The following GM2A variants were observed in gnomAD, a reference collection of about 807,000 sequenced individuals.
The protein encoded by GM2A is ganglioside GM2 activator, also known as GM2 ganglioside activator.
In GM2A, 7 loss-of-function variants were observed where a neutral mutation model predicts 12.9. That is an observed-to-expected ratio of 0.54 (90% CI 0.31 to 1.02). The LOEUF is 1.02. Among genes scored for constraint, GM2A ranks in the 50% least tolerant of loss-of-function variants. The probability of loss-of-function intolerance (pLI) is 0.05; values close to 1 mark genes in which losing one functional copy is unlikely to be tolerated. For synonymous variants in GM2A, 101 were observed against 96.0 expected, an observed-to-expected ratio of 1.05 and a Z score of -0.30; for missense variants, 246 against 241.0, an observed-to-expected ratio of 1.02 and a Z score of -0.14.
In GM2A at chr5:151,266,802, C is replaced by T. The variant is rs907196314; in HGVS notation, c.315C>T (p.Ser105=). Residue 105 remains serine (S), a synonymous_variant, in exon 3 of 4, where the codon AGC becomes AGT. Coordinates refer to ENST00000357164, the MANE Select transcript of GM2A (RefSeq NM_000405.5). ...TCCCATGCACAGACTACATTGGCAG[C>T]TGTACCTTTGAACACTTCTGTGATG... ...IKIPCTDYIG[S]CTFEHFCDVL... 2 of 1,613,682 alleles carry T rather than the reference C, an allele frequency of 1.2e-6. No individual in the cohort carries two copies. The highest frequency in any genetic ancestry group is 2.7e-5 in the African/African-American group (2 of 75,042).
chr5:151,270,214 T>C lies in GM2A; in HGVS notation c.*2763T>C. The stretch of plus-strand genomic sequence containing the variant: ...AAAGCCCCTTGGAGAAAGTTGAAGT[T>C]AGACCTGTACTTCACACCATATGCA... On this transcript the variant is annotated 3_prime_UTR_variant, in exon 4 of 4. Coordinates refer to ENST00000357164, the MANE Select transcript of GM2A (RefSeq NM_000405.5). 4.2e-6 allele frequency: 3 copies of C among 711,104 alleles called. No homozygotes were observed. The highest frequency in any genetic ancestry group is 5.9e-6 in the Non-Finnish European group (3 of 512,028). The allele number at this position is 711,104 out of a possible 1,614,324, so 44.0% of individuals were successfully genotyped here.
At position 151,253,291 on chromosome 5, in the gene GM2A, G is replaced by T. The variant is rs1284521886; in HGVS notation, c.75G>T (p.Leu25=). The part of the protein sequence containing the change: ...LLLAAPAQAH[L]KKPSQLSSFS... ...TCGCGGCCCCTGCGCAAGCCCACCT[G>T]AAAAAGGTGAGTGCACCCTCTTTTA... is the stretch of plus-strand genomic sequence containing the variant. Residue 25 remains leucine (L), a synonymous_variant, in exon 1 of 4, where the codon CTG becomes CTT. Coordinates refer to ENST00000357164, the MANE Select transcript of GM2A (RefSeq NM_000405.5). The T allele has an allele frequency of 1.2e-6, 2 of 1,610,594 alleles. No individual in the cohort carries two copies. The highest frequency in any genetic ancestry group is 8.5e-7 in the Non-Finnish European group (1 of 1,177,082).
chr5:151,259,654 C>G (rs1310811846), intron 1 of GM2A, 101 bp from the exon 2 acceptor site: 3 of 1,107,312 alleles, frequency 2.7e-6, no homozygotes, highest in East Asian at 4.9e-5. Flanking sequence ...GTGCCTCACC[C>G]AAGGTCACTC....
At position 151,267,991 on chromosome 5, in the gene GM2A, C is replaced by T; in HGVS notation, c.*540C>T. ...GATTTGCCCAATTAATACTAGGGTG[C>T]AGTGTATCCTGGAGAGGTAGGGTGT... On this transcript the variant is annotated 3_prime_UTR_variant, in exon 4 of 4. Coordinates refer to ENST00000357164, the MANE Select transcript of GM2A (RefSeq NM_000405.5). 9.0e-7 allele frequency: 1 copy of T among 1,108,808 alleles called. No individual in the cohort carries two copies. Among genetic ancestry groups the T allele is most frequent in the Non-Finnish European group, 1.1e-6 (1 of 903,528 alleles). 68.7% of individuals were successfully genotyped at this position (1,108,808 alleles called of 1,614,324 possible). A position where few individuals can be genotyped will look rare whatever the true frequency, so the allele number is the denominator to read the frequency against.
At position 151,253,295 on chromosome 5, in the gene GM2A, A is replaced by G. The variant is rs1243598978; in HGVS notation, c.79A>G (p.Lys27Glu). 6.2e-7 allele frequency: 1 copy of G among 1,609,046 alleles called. No homozygotes were observed. Among genetic ancestry groups the G allele is most frequent in the East Asian group, 2.2e-5 (1 of 44,836 alleles). Residue 27 changes from lysine to glutamate, a missense_variant and splice_region_variant, in exon 1 of 4, where the codon AAG (lysine) becomes GAG (glutamate). Coordinates refer to ENST00000357164, the MANE Select transcript of GM2A (RefSeq NM_000405.5). The stretch of plus-strand genomic sequence containing the variant: ...GGCCCCTGCGCAAGCCCACCTGAAA[A>G]AGGTGAGTGCACCCTCTTTTAAGAG... The part of the protein sequence containing the change: ...LAAPAQAHLK[K>E]PSQLSSFSWD...
intron 2 of GM2A, 75 bp downstream of exon 2, chr5:151,259,991 G>A: frequency 2.7e-6 from 3 of 1,131,048 alleles, no homozygotes; most frequent in Non-Finnish European, 3.9e-6. Flanking sequence ...TGTATGCTTG[G>A]GGAACTGTGA....
chr5:151,255,506 G>T (rs1409533008), intron 1 of GM2A, among the ~76,000 whole-genome samples: 1 of 152,124 alleles, frequency 6.6e-6, no homozygotes, highest in Non-Finnish European at 1.5e-5. Flanking sequence ...CTTGGCTTCT[G>T]ATCATTCCCC....
chr5:151,269,564 G>A lies in GM2A; in HGVS notation c.*2113G>A, dbSNP rs886060275. 12 of 496,334 alleles carry A rather than the reference G, an allele frequency of 2.4e-5. No homozygotes were observed. The highest frequency in any genetic ancestry group is 8.6e-5 in the South Asian group (1 of 11,674). 30.7% of individuals were successfully genotyped at this position (496,334 alleles called of 1,614,324 possible). A position where few individuals can be genotyped will look rare whatever the true frequency, so the allele number is the denominator to read the frequency against. ...TTTAAAAGGGAGCAAAGACCACCTG[G>A]TGACTATCAGGCCATGCAGAGGCAA... On this transcript the variant is annotated 3_prime_UTR_variant, in exon 4 of 4. Coordinates refer to ENST00000357164, the MANE Select transcript of GM2A (RefSeq NM_000405.5).
chr5:151,268,997 G>A lies in GM2A; in HGVS notation c.*1546G>A, dbSNP rs1266527942. ...AGCAGCCTCTCACCTGTGAGCTGTG[G>A]GGATCACAAGGCTGCCTGCCTCAGT... On this transcript the variant is annotated 3_prime_UTR_variant, in exon 4 of 4. Transcript: ENST00000357164. 2.4e-5 allele frequency: 24 copies of A among 985,344 alleles called. No individual in the cohort carries two copies. The highest frequency in any genetic ancestry group is 1.1e-5 in the Non-Finnish European group (9 of 829,966). 61.0% of individuals were successfully genotyped at this position (985,344 alleles called of 1,614,324 possible). A position where few individuals can be genotyped will look rare whatever the true frequency, so the allele number is the denominator to read the frequency against.
intron 2 of GM2A, among the ~76,000 whole-genome samples, chr5:151,260,141 C>G (rs924330262): frequency 8.5e-5 from 13 of 152,174 alleles, no homozygotes; most frequent in Non-Finnish European, 1.5e-5. Context: ...CTGGTGAGGG[C>G]AGGAGTGACG....
intron 1 of GM2A, among the ~76,000 whole-genome samples, chr5:151,255,551 C>T (rs1443524182): frequency 2.6e-5 from 4 of 152,080 alleles, no homozygotes; most frequent in South Asian, 2.1e-4. Context: ...GTCTTGTTCT[C>T]CTCATCTGTA....
In GM2A at chr5:151,267,366, G is replaced by A; in HGVS notation, c.497G>A (p.Gly166Glu). The change falls in exon 4 of 4, where the codon GGG (glycine) becomes GAG (glutamate). Residue 166 changes from glycine to glutamate, a missense_variant. Physicochemically the swap from Gly to Glu is moderately conservative, Grantham distance 98 (BLOSUM62 -2). Transcript: ENST00000357164. ...GAGCTGCCCAGTTGGCTCACCACCG[G>A]GAACTACCGCATAGAGAGCGTCCTG... ...DLELPSWLTT[G>E]NYRIESVLSS... 1 of 1,614,132 alleles carries A rather than the reference G, an allele frequency of 6.2e-7. No individual in the cohort carries two copies. Among genetic ancestry groups the A allele is most frequent in the Non-Finnish European group, 8.5e-7 (1 of 1,180,020 alleles).
In GM2A at chr5:151,268,612, G is replaced by A; in HGVS notation, c.*1161G>A. The A allele has an allele frequency of 1.1e-6, 1 of 889,138 alleles. No homozygotes were observed. 55.1% of individuals were successfully genotyped at this position (889,138 alleles called of 1,614,324 possible). The stretch of plus-strand genomic sequence containing the variant: ...ACTGGAGTCAGTTGGAGAGTGCATA[G>A]CCAGTCTGTGAAGACAACTGCCAGA... On this transcript the variant is annotated 3_prime_UTR_variant, in exon 4 of 4. Transcript: ENST00000357164.
chr5:151,266,208 A>G (rs1030252038), intron 2 of GM2A, among the ~76,000 whole-genome samples: 1 of 152,138 alleles, frequency 6.6e-6, no homozygotes, highest in Admixed American at 6.5e-5. Flanking sequence ...ACTGAGCATG[A>G]TGGCTCACGC....
chr5:151,264,509 T>A (rs111445278), intron 2 of GM2A, among the ~76,000 whole-genome samples: 35 of 152,288 alleles, frequency 2.3e-4, no homozygotes, highest in African/African-American at 7.5e-4. Flanking sequence ...CATAACTGGC[T>A]CAAACATTTT....
intron 2 of GM2A, among the ~76,000 whole-genome samples, chr5:151,263,299 A>C (rs1446509665): frequency 2.0e-5 from 3 of 151,482 alleles, no homozygotes; most frequent in African/African-American, 4.8e-5. Flanking sequence ...CAAACTCCTG[A>C]CCTCAGGTGA....
chr5:151,269,216 A>G lies in GM2A; in HGVS notation c.*1765A>G. On this transcript the variant is annotated 3_prime_UTR_variant, in exon 4 of 4. Transcript: ENST00000357164. ...TCTGGGCTCATTTGAAGCCTGGAAT[A>G]GCAATAAATCTTTTTAACTTGCGGA... 1.0e-6 allele frequency: 1 copy of G among 985,488 alleles called. No homozygotes were observed. The highest frequency in any genetic ancestry group is 1.2e-6 in the Non-Finnish European group (1 of 829,942). The allele number at this position is 985,488 out of a possible 1,614,324, so 61.0% of individuals were successfully genotyped here.
At chr5:151,261,592 T>C (rs894005901) in intron 2 of GM2A, among the ~76,000 whole-genome samples, 2 of 148,792 alleles carry the variant, frequency 1.3e-5, no homozygotes, top group Middle Eastern at 7.6e-3. Flanking sequence ...GCACCTGCCA[T>C]TGCGCCCCAC....
intron 2 of GM2A, among the ~76,000 whole-genome samples, chr5:151,261,783 A>G (rs1384502224): frequency 2.0e-5 from 3 of 151,710 alleles, no homozygotes; most frequent in Non-Finnish European, 4.4e-5. Flanking sequence ...CATGTTATCC[A>G]GGCTGGTCTT....
Sources: allele counts gnomAD v4.1 joint callset (sites outside exome capture counted in the v4.1 genomes callset), GRCh38; gene constraint gnomAD v4.1.1; transcripts MANE v1.5; gene names NCBI Gene and HGNC (gene_info 2026-07-23, HGNC 2026-07-21).